COL19A1: variants seen among roughly 807,000 people sequenced by gnomAD.
COL19A1 encodes collagen type XIX alpha 1 chain.
In COL19A1, 159 loss-of-function variants were observed where a neutral mutation model predicts 190.2. The ratio of observed to expected loss-of-function variants is 0.84; its 90% CI spans 0.73 to 0.95. COL19A1 has a LOEUF of 0.95. Among genes scored for constraint, COL19A1 ranks in the 40% least tolerant of loss-of-function variants. COL19A1 has a pLI of 0.00. For missense variants in COL19A1, 1,418 were observed against 1,431.9 expected, an observed-to-expected ratio of 0.99 and a Z score of 0.16; for synonymous variants, 509 against 458.9, an observed-to-expected ratio of 1.11 and a Z score of -1.39.
chr6:70,141,054 C>A lies in COL19A1; in HGVS notation c.1482+65C>A. The A allele has an allele frequency of 3.5e-6, 5 of 1,446,728 alleles. No homozygotes were observed. The South Asian group carries it at 6.0e-5, about 17-fold the overall frequency. The allele number at this position is 1,446,728 out of a possible 1,614,324, so 89.6% of individuals were successfully genotyped here. On this transcript the variant is annotated intron_variant, in intron 20 of 50. Transcript: ENST00000620364. Reference sequence around the variant, plus strand: ...CATTGATTTGTTTCTCTCTGATTTTCTGGTATGTTTACTTTGGAGTCTAAT... The same window carrying A: ...CATTGATTTGTTTCTCTCTGATTTTATGGTATGTTTACTTTGGAGTCTAAT...
chr6:70,114,960 A>G (rs1784479844), intron 16 of COL19A1, among the ~76,000 whole-genome samples: 1 of 152,236 alleles, frequency 6.6e-6, no homozygotes, highest in African/African-American at 2.4e-5. Flanking sequence ...GCACTGAAAC[A>G]TGAATTTTCC....
intron 11 of COL19A1, among the ~76,000 whole-genome samples, chr6:69,996,258 C>A (rs951816818): frequency 1.3e-5 from 2 of 152,072 alleles, no homozygotes; most frequent in African/African-American, 2.4e-5. Flanking sequence ...CATGTATATT[C>A]GGACAGCTAT....
chr6:70,082,863 T>C (rs1167035676), intron 15 of COL19A1, among the ~76,000 whole-genome samples: 2 of 152,228 alleles, frequency 1.3e-5, no homozygotes, highest in African/African-American at 4.8e-5. Context: ...CAGGTCTAGT[T>C]TGATTCTCAT....
intron 11 of COL19A1, among the ~76,000 whole-genome samples, chr6:70,016,248 G>A (rs553231221): frequency 6.0e-4 from 28 of 46,412 alleles, no homozygotes; most frequent in Non-Finnish European, 6.4e-4. Context: ...GATAGCATTG[G>A]GAGATATACC....
chr6:70,068,373 G>T (rs770616120), intron 14 of COL19A1, 50 bp from the exon 15 acceptor site: 7 of 1,080,908 alleles, frequency 6.5e-6, no homozygotes, highest in African/African-American at 4.6e-5. Context: ...TCTTTGTGAG[G>T]CAGGTGTACT....
intron 16 of COL19A1, among the ~76,000 whole-genome samples, chr6:70,108,164 A>G (rs955447963): frequency 5.9e-5 from 9 of 152,188 alleles, no homozygotes; most frequent in African/African-American, 2.2e-4. Context: ...AGTAGGTATT[A>G]GCCCATCCAT....
intron 7 of COL19A1, among the ~76,000 whole-genome samples, chr6:69,933,833 A>G (rs1196705444): frequency 1.3e-5 from 2 of 151,994 alleles, no homozygotes; most frequent in Non-Finnish European, 2.9e-5. Context: ...GTAGACAATC[A>G]TTGTTTGATT....
chr6:69,998,559 T>C (rs917201514), intron 11 of COL19A1, among the ~76,000 whole-genome samples: 3 of 150,526 alleles, frequency 2.0e-5, no homozygotes, highest in African/African-American at 7.4e-5. Flanking sequence ...AGCAGGAGAA[T>C]TGCATGAACC....
intron 5 of COL19A1, 25 bp downstream of exon 5, chr6:69,928,057 C>T (rs1379808453): frequency 3.7e-6 from 6 of 1,601,140 alleles, no homozygotes; most frequent in Non-Finnish European, 5.1e-6. Flanking sequence ...GAGTTGTGCT[C>T]ATTAGTTTTC....
chr6:70,117,416 C>T (rs991298533), intron 16 of COL19A1, among the ~76,000 whole-genome samples: 11 of 152,324 alleles, frequency 7.2e-5, no homozygotes, highest in Admixed American at 6.5e-4. Context: ...TTTTACACTA[C>T]GTGTCTGACA....
chr6:70,038,442 C>T (rs1426728476), intron 14 of COL19A1, among the ~76,000 whole-genome samples: 2 of 152,172 alleles, frequency 1.3e-5, no homozygotes, highest in African/African-American at 4.8e-5. Context: ...AAAATTATAT[C>T]AGATTGTTGA....
At chr6:69,921,413 TATATC>T (rs1322255344) in intron 4 of COL19A1, among the ~76,000 whole-genome samples, 2 of 97,196 alleles carry the variant, frequency 2.1e-5, no homozygotes, top group Non-Finnish European at 3.8e-5. Context: ...ATATATATCA[TATATC>T]ATATATATCA....
chr6:70,150,629 C>T (rs1786996656), intron 30 of COL19A1, among the ~76,000 whole-genome samples: 1 of 152,146 alleles, frequency 6.6e-6, no homozygotes, highest in Non-Finnish European at 1.5e-5. Flanking sequence ...CCATATGGTA[C>T]ATGACATTGT....
At position 70,102,409 on chromosome 6, in the gene COL19A1, C is replaced by T. The variant is rs190587990; in HGVS notation, c.1278+187C>T. Among the ~76,000 whole-genome samples the T allele has an allele frequency of 8.3e-3, 1,260 of 152,272 alleles. 7 individuals carry two copies. The highest frequency in any genetic ancestry group is 0.014 in the Non-Finnish European group (933 of 68,018). On this transcript the variant is annotated intron_variant, in intron 16 of 50. Transcript: ENST00000620364. ...TTCCTAACTCCATCATCACCACAAACCAAGAGATGAGGGAGGCTGGTAATT... is the reference window on the plus strand; with the variant it reads ...TTCCTAACTCCATCATCACCACAAATCAAGAGATGAGGGAGGCTGGTAATT...
At chr6:69,951,352 A>G (rs1005407555) in intron 9 of COL19A1, among the ~76,000 whole-genome samples, 5 of 151,924 alleles carry the variant, frequency 3.3e-5, no homozygotes, top group Non-Finnish European at 1.5e-5. Context: ...AGCACCTGGT[A>G]TGTAAATATT....
In COL19A1 at chr6:69,932,868, G is replaced by A. The variant is rs770714839; in HGVS notation, c.747+5G>A. 7 of 1,582,646 alleles carry A rather than the reference G, an allele frequency of 4.4e-6. No homozygotes were observed. Among genetic ancestry groups the A allele is most frequent in the Non-Finnish European group, 6.1e-6 (7 of 1,155,720 alleles). On this transcript the variant is annotated splice_donor_5th_base_variant and intron_variant, in intron 7 of 50. Transcript: ENST00000620364. ...TGTGAAATATCAGATACTAAGGTAA[G>A]TTAATTTTCTTTGCATATGAAGAAT... is the stretch of plus-strand genomic sequence containing the variant.
At chr6:69,916,513 G>C (rs2149993151) in intron 4 of COL19A1, among the ~76,000 whole-genome samples, 2 of 152,238 alleles carry the variant, frequency 1.3e-5, no homozygotes, top group South Asian at 4.1e-4. Flanking sequence ...ATAACTGTGT[G>C]TTTTGTGATA....
intron 49 of COL19A1, among the ~76,000 whole-genome samples, chr6:70,206,298 G>T (rs1197764090): frequency 7.9e-5 from 12 of 152,096 alleles, no homozygotes; most frequent in South Asian, 2.1e-4. Flanking sequence ...ATTTATTTAG[G>T]TGTCATTTTC....
intron 15 of COL19A1, among the ~76,000 whole-genome samples, chr6:70,080,053 A>G (rs960794726): frequency 2.0e-5 from 3 of 152,188 alleles, no homozygotes; most frequent in South Asian, 2.1e-4. Flanking sequence ...AGGACACAGG[A>G]AAAGGAAAGG....
Sources: gnomAD v4.1 joint callset for allele counts (sites outside exome capture counted in the v4.1 genomes callset) on GRCh38, gnomAD v4.1.1 for gene constraint, MANE v1.5 for transcripts, NCBI Gene and HGNC (gene_info 2026-07-23, HGNC 2026-07-21) for gene names.